PCDHGA6: variants seen among roughly 807,000 people sequenced by gnomAD.
The protein encoded by PCDHGA6 is protocadherin gamma subfamily A, 6.
Under a neutral mutation model 60.6 loss-of-function variants are expected in PCDHGA6, and 41 were observed. The ratio of observed to expected loss-of-function variants is 0.68; its 90% CI spans 0.53 to 0.88. The LOEUF is 0.88. PCDHGA6 is among the 40% of genes least tolerant of loss of function. The probability of loss-of-function intolerance (pLI) is 0.00; values close to 1 mark genes in which losing one functional copy is unlikely to be tolerated. For synonymous variants in PCDHGA6, 594 were observed against 524.4 expected (o/e 1.13, Z -1.81); for missense variants, 1,312 against 1,203.0 (o/e 1.09, Z -1.34).
At chr5:141,408,251 C>T (rs761835750) in intron 1 of PCDHGA6, 6 of 1,597,008 alleles carry the variant, frequency 3.8e-6, no homozygotes, top group Middle Eastern at 1.7e-4. Context: ...GCGGCAGGTG[C>T]TATTTCCTTT....
At chr5:141,382,833 C>T (rs1017641917) in intron 1 of PCDHGA6, 11 of 1,423,922 alleles carry the variant, frequency 7.7e-6, no homozygotes, top group South Asian at 1.4e-5. Flanking sequence ...GAGGGGTCCA[C>T]CCGGATACAC....
intron 1 of PCDHGA6, chr5:141,414,697 T>C (rs748722995): frequency 6.2e-7 from 1 of 1,614,036 alleles, no homozygotes; most frequent in Non-Finnish European, 8.5e-7. Flanking sequence ...TCTGTCCTCA[T>C]ACATATCCAT....
intron 1 of PCDHGA6, chr5:141,404,265 T>A: frequency 6.2e-7 from 1 of 1,613,998 alleles, no homozygotes; most frequent in Non-Finnish European, 8.5e-7. Context: ...GAAATTCACA[T>A]CACCCTGCAA....
intron 3 of PCDHGA6, among the ~76,000 whole-genome samples, chr5:141,509,069 G>A (rs1463164307): frequency 2.6e-5 from 4 of 152,174 alleles, no homozygotes; most frequent in African/African-American, 9.7e-5. Context: ...CTCAGCTCCG[G>A]GGATTTGCGA....
intron 2 of PCDHGA6, among the ~76,000 whole-genome samples, chr5:141,502,496 C>T (rs934563545): frequency 2.0e-5 from 3 of 152,178 alleles, no homozygotes; most frequent in Admixed American, 6.5e-5. Context: ...ACTCATCTAA[C>T]GTCGGCCTGT....
In PCDHGA6 at chr5:141,376,165, G is replaced by A. The variant is rs181247360; in HGVS notation, c.2082G>A (p.Val694=). The part of the protein sequence containing the change: ...PNDSDLTLYL[V]VAVAAVSCVF... ...ATTCGGACCTCACTCTGTACCTGGT[G>A]GTGGCGGTGGCCGCGGTCTCCTGCG... The change falls in exon 1 of 4, where the codon GTG becomes GTA. Residue 694 remains valine, a synonymous_variant. Coordinates refer to ENST00000517434, the MANE Select transcript of PCDHGA6 (RefSeq NM_018919.3). 5.0e-5 allele frequency: 80 copies of A among 1,614,136 alleles called. No individual in the cohort carries two copies. In the East Asian group the frequency reaches 1.2e-3, roughly 25 times the overall value.
intron 1 of PCDHGA6, chr5:141,385,646 C>A: frequency 1.4e-6 from 1 of 737,590 alleles, no homozygotes; most frequent in Non-Finnish European, 1.7e-6. Flanking sequence ...TTTCATATTG[C>A]ACAAGGTTAG....
At position 141,510,839 on chromosome 5, in the gene PCDHGA6, C is replaced by G. The variant is rs186647886; in HGVS notation, c.2573-108C>G. The stretch of plus-strand genomic sequence containing the variant: ...CTATATTCCCAGTGCTCAGCGTGGT[C>G]AAGGCCCAGGGTGCTGTATAGGCAT... On this transcript the variant is annotated intron_variant, in intron 3 of 3. Coordinates refer to ENST00000517434, the MANE Select transcript of PCDHGA6 (RefSeq NM_018919.3). The G allele has an allele frequency of 6.5e-5, 103 of 1,587,108 alleles. No individual in the cohort carries two copies. The East Asian group carries it at 1.6e-3, about 25-fold the overall frequency.
chr5:141,450,006 C>CTATTTTTTT (rs70988802), intron 1 of PCDHGA6, among the ~76,000 whole-genome samples: 8 of 132,970 alleles, frequency 6.0e-5, no homozygotes, highest in African/African-American at 8.4e-5. Context: ...TGCCATGTCT[C>CTATTTTTTT]TTTTTTTTTT....
chr5:141,418,058 C>A (rs2096216434), intron 1 of PCDHGA6: 1 of 1,613,872 alleles, frequency 6.2e-7, no homozygotes, highest in Non-Finnish European at 8.5e-7. Flanking sequence ...TCGCGAGCTG[C>A]GAGTGAGCGC....
rs536313993 is a variant in PCDHGA6, at chr5:141,436,142, T to G, written c.2425-58665T>G. Among the ~76,000 whole-genome samples, 46 of 152,334 alleles carry G rather than the reference T, an allele frequency of 3.0e-4. No homozygotes were observed. The South Asian group carries it at 3.1e-3, about 10-fold the overall frequency. ...CTCTCCTCCATCATCTTGTATGAAC[T>G]ACCAAAATGTTTATCATATGGACAG... On this transcript the variant is annotated intron_variant, in intron 1 of 3. Coordinates refer to ENST00000517434, the MANE Select transcript of PCDHGA6 (RefSeq NM_018919.3).
At position 141,432,455 on chromosome 5, in the gene PCDHGA6, G is replaced by A; in HGVS notation, c.2424+55948G>A. The A allele has an allele frequency of 6.2e-7, 1 of 1,614,176 alleles. No individual in the cohort carries two copies. The highest frequency in any genetic ancestry group is 8.5e-7 in the Non-Finnish European group (1 of 1,180,042). On this transcript the variant is annotated intron_variant, in intron 1 of 3. Transcript: ENST00000517434. The surrounding 1 kb of genome is among the most constrained non-coding windows in gnomAD (Gnocchi z 6.0). ...CAATGCGCCCGAGATCCTGTACCCCGCCCTCCCCACGGACGGTTCCACTGG... is the reference window on the plus strand; with the variant it reads ...CAATGCGCCCGAGATCCTGTACCCCACCCTCCCCACGGACGGTTCCACTGG...
At chr5:141,450,292 C>T (rs1310226132) in intron 1 of PCDHGA6, among the ~76,000 whole-genome samples, 2 of 152,066 alleles carry the variant, frequency 1.3e-5, no homozygotes, top group African/African-American at 2.4e-5. Context: ...GGATTACAGG[C>T]GTGAGCCACC....
chr5:141,404,658 C>T, intron 1 of PCDHGA6: 2 of 1,614,198 alleles, frequency 1.2e-6, no homozygotes, highest in Non-Finnish European at 1.7e-6. Context: ...GCCCTCCCCA[C>T]TGATGGTTCT....
At chr5:141,430,784 G>T in intron 1 of PCDHGA6, 1 of 1,512,418 alleles carries the variant, frequency 6.6e-7, no homozygotes, top group East Asian at 2.3e-5. Flanking sequence ...ACTGCACCGG[G>T]ACTACAAAGG....
intron 2 of PCDHGA6, among the ~76,000 whole-genome samples, chr5:141,499,869 G>A (rs1247615457): frequency 3.3e-5 from 5 of 151,938 alleles, no homozygotes; most frequent in Non-Finnish European, 5.9e-5. Context: ...TGTATTTTCA[G>A]TACAAACAGG....
Position 141,490,400 on chromosome 5 carries a change from T to A in PCDHGA6, c.2425-4407T>A. On this transcript the variant is annotated intron_variant, in intron 1 of 3. Coordinates refer to ENST00000517434, the MANE Select transcript of PCDHGA6 (RefSeq NM_018919.3). This position sits in a 1 kb window ranked among gnomAD's most constrained non-coding sequence, Gnocchi z 5.4. ...TCAGGTAGAAATGGTGAAGTGAGCC[T>A]TGATATCTCTCCGGACCTGCCATTT... The A allele has an allele frequency of 6.2e-7, 1 of 1,614,202 alleles. No homozygotes were observed. Among genetic ancestry groups the A allele is most frequent in the Non-Finnish European group, 8.5e-7 (1 of 1,180,032 alleles).
At chr5:141,390,348 A>G in intron 1 of PCDHGA6, 1 of 1,572,378 alleles carries the variant, frequency 6.4e-7, no homozygotes, top group Middle Eastern at 1.7e-4. Flanking sequence ...ACAAGAAAAT[A>G]TACATATTTG....
chr5:141,374,511 T>A lies in PCDHGA6; in HGVS notation c.428T>A (p.Leu143His). The change falls in exon 1 of 4, where the codon CTC (leucine) becomes CAC (histidine). Residue 143 changes from leucine (L) to histidine (H), a missense_variant. Coordinates refer to ENST00000517434, the MANE Select transcript of PCDHGA6 (RefSeq NM_018919.3). ...AAGGAAGAATTGGAAGTGAAAATTCTCGAAAACGCAGCTCCATCCTCTCGT... is the reference window on the plus strand; with the variant it reads ...AAGGAAGAATTGGAAGTGAAAATTCACGAAAACGCAGCTCCATCCTCTCGT... ...FLKEELEVKI[L>H]ENAAPSSRFP... is the part of the protein sequence containing the mutation. 2 of 1,611,912 alleles carry A rather than the reference T, an allele frequency of 1.2e-6. No homozygotes were observed. The highest frequency in any genetic ancestry group is 8.5e-7 in the Non-Finnish European group (1 of 1,178,144).
Sources: allele counts gnomAD v4.1 joint callset (sites outside exome capture counted in the v4.1 genomes callset), GRCh38; gene constraint gnomAD v4.1.1; non-coding constraint Gnocchi (gnomAD v3.1); transcripts MANE v1.5; gene names NCBI Gene and HGNC (gene_info 2026-07-23, HGNC 2026-07-21).